The following DLG2 variants were observed in gnomAD, a reference collection of about 807,000 sequenced individuals.
DLG2 encodes discs large MAGUK scaffold protein 2.
In DLG2, 45 loss-of-function variants were observed where a neutral mutation model predicts 132.5. The observed-to-expected ratio is 0.34, with a 90% CI of 0.27 to 0.44. DLG2 has a LOEUF of 0.44. Among genes scored for constraint, DLG2 ranks in the 20% least tolerant of loss-of-function variants. The pLI is 1.00. For missense variants in DLG2, 1,045 were observed against 1,196.9 expected (o/e 0.87, Z 1.87); for synonymous variants, 424 against 419.6 (o/e 1.01, Z -0.13).
chr11:83,667,906 A>G (rs1362790858), intron 18 of DLG2, among the ~76,000 whole-genome samples: 1 of 134,156 alleles, frequency 7.5e-6, no homozygotes, highest in Non-Finnish European at 1.5e-5. Context: ...TGAACCCGGG[A>G]GGCAGAGTGC....
chr11:85,481,143 T>C (rs1325581294), intron 3 of DLG2, among the ~76,000 whole-genome samples: 1 of 152,248 alleles, frequency 6.6e-6, no homozygotes, highest in African/African-American at 2.4e-5. Flanking sequence ...TTCTCATTTG[T>C]AAATTCCCCA....
chr11:83,518,561 G>T (rs1183725218), intron 21 of DLG2, among the ~76,000 whole-genome samples: 2 of 152,184 alleles, frequency 1.3e-5, no homozygotes, highest in African/African-American at 4.8e-5. Context: ...ACAATCCCCA[G>T]TGAGATGAAC....
At chr11:85,562,376 G>A (rs2077302230) in intron 3 of DLG2, among the ~76,000 whole-genome samples, 1 of 151,638 alleles carries the variant, frequency 6.6e-6, no homozygotes, top group Non-Finnish European at 1.5e-5. Context: ...GAAGGGAAAT[G>A]TTTACCATTT....
At chr11:85,075,811 A>G (rs2066464383) in intron 6 of DLG2, among the ~76,000 whole-genome samples, 1 of 151,938 alleles carries the variant, frequency 6.6e-6, no homozygotes. Context: ...ACACATGCCA[A>G]CTGATCACAG....
intron 18 of DLG2, among the ~76,000 whole-genome samples, chr11:83,764,830 C>A (rs1172774506): frequency 6.6e-6 from 1 of 152,110 alleles, no homozygotes; most frequent in African/African-American, 2.4e-5. Context: ...TTAGTCATTA[C>A]AATACTATGG....
chr11:85,149,625 G>A (rs2077093629), intron 5 of DLG2, among the ~76,000 whole-genome samples: 1 of 151,720 alleles, frequency 6.6e-6, no homozygotes, highest in African/African-American at 2.4e-5. Flanking sequence ...TTGTTTTCAA[G>A]CAAGTATAAA....
At chr11:84,120,911 T>C (rs1159070204) in intron 9 of DLG2, among the ~76,000 whole-genome samples, 1 of 152,260 alleles carries the variant, frequency 6.6e-6, no homozygotes, top group Non-Finnish European at 1.5e-5. Context: ...TATGTGGTTT[T>C]AGTGGTCAGT....
At chr11:85,180,317 C>T (rs1356535711) in intron 4 of DLG2, among the ~76,000 whole-genome samples, 2 of 151,840 alleles carry the variant, frequency 1.3e-5, no homozygotes, top group East Asian at 3.9e-4. Flanking sequence ...TCTGTATTTT[C>T]TACAGTGCAT....
intron 6 of DLG2, among the ~76,000 whole-genome samples, chr11:85,028,416 T>C (rs1391250227): frequency 6.6e-6 from 1 of 152,128 alleles, no homozygotes; most frequent in African/African-American, 2.4e-5. Flanking sequence ...AAGGTGAGGC[T>C]TCACCGGGAA....
At chr11:84,182,641 T>C (rs559822596) in intron 8 of DLG2, among the ~76,000 whole-genome samples, 361 of 152,218 alleles carry the variant, frequency 2.4e-3, no homozygotes, top group Non-Finnish European at 4.4e-3. Flanking sequence ...AATGAATGTA[T>C]ATAAATGAAG....
intron 3 of DLG2, among the ~76,000 whole-genome samples, chr11:85,359,187 C>T (rs1198593141): frequency 6.6e-6 from 1 of 152,196 alleles, no homozygotes; most frequent in Non-Finnish European, 1.5e-5. Flanking sequence ...ACTTCAGATT[C>T]TCTAATGAAC....
chr11:84,927,315 A>G (rs1205688522), intron 6 of DLG2, among the ~76,000 whole-genome samples: 1 of 151,974 alleles, frequency 6.6e-6, no homozygotes, highest in Non-Finnish European at 1.5e-5. Context: ...GTTTTGTTAG[A>G]TACCTTGCTT....
intron 7 of DLG2, among the ~76,000 whole-genome samples, chr11:84,270,334 A>G (rs2097703976): frequency 6.6e-6 from 1 of 152,228 alleles, no homozygotes; most frequent in Non-Finnish European, 1.5e-5. Flanking sequence ...TTGGATCAGC[A>G]GATGAACTTG....
intron 5 of DLG2, among the ~76,000 whole-genome samples, chr11:85,151,288 C>A (rs1054992024): frequency 6.6e-6 from 1 of 151,968 alleles, no homozygotes; most frequent in Non-Finnish European, 1.5e-5. Context: ...ATATGATTTG[C>A]AAATACTTCC....
At chr11:84,039,030 T>C (rs547413997) in intron 11 of DLG2, among the ~76,000 whole-genome samples, 2 of 152,198 alleles carry the variant, frequency 1.3e-5, no homozygotes, top group South Asian at 2.1e-4. Context: ...AGATTTGTTT[T>C]AAAGTTTTAT....
At chr11:85,015,390 TAGG>T (rs1312084483) in intron 6 of DLG2, among the ~76,000 whole-genome samples, 2 of 145,256 alleles carry the variant, frequency 1.4e-5, no homozygotes, top group Non-Finnish European at 3.0e-5. Context: ...TTTCTTTCAG[TAGG>T]AGATTAGCCA....
At chr11:85,068,082 C>T (rs1235377790) in intron 6 of DLG2, among the ~76,000 whole-genome samples, 2 of 152,008 alleles carry the variant, frequency 1.3e-5, no homozygotes, top group Non-Finnish European at 1.5e-5. Context: ...GCAGAAAAGG[C>T]CTTTGACAAA....
intron 3 of DLG2, among the ~76,000 whole-genome samples, chr11:85,511,072 G>A (rs553746131): frequency 1.3e-5 from 2 of 152,028 alleles, no homozygotes; most frequent in African/African-American, 2.4e-5. Flanking sequence ...GTCCTTTGTA[G>A]GGACATGGAT....
At chr11:83,840,252 T>A (rs1451837734) in intron 16 of DLG2, among the ~76,000 whole-genome samples, 1 of 152,174 alleles carries the variant, frequency 6.6e-6, no homozygotes, top group African/African-American at 2.4e-5. Context: ...GCTCATACCT[T>A]CTTCTCAAGA....
Sources: gnomAD v4.1 joint callset for allele counts (sites outside exome capture counted in the v4.1 genomes callset) on GRCh38, gnomAD v4.1.1 for gene constraint, MANE v1.5 for transcripts, NCBI Gene and HGNC (gene_info 2026-07-23, HGNC 2026-07-21) for gene names.